The following PACSIN1 variants were observed in gnomAD, a reference collection of about 807,000 sequenced individuals.
The protein encoded by PACSIN1 is protein kinase C and casein kinase substrate in neurons protein 1.
In PACSIN1, 15 loss-of-function variants were observed where a neutral mutation model predicts 59.5. The ratio of observed to expected loss-of-function variants is 0.25; its 90% CI spans 0.17 to 0.39. The LOEUF (loss-of-function observed/expected upper bound fraction) is 0.39, where lower values mean the gene tolerates loss of function less well. Among genes scored for constraint, PACSIN1 ranks in the 10% least tolerant of loss-of-function variants. The pLI is 1.00. For synonymous variants in PACSIN1, 210 were observed against 220.6 expected, an observed-to-expected ratio of 0.95 and a Z score of 0.42; for missense variants, 420 against 580.2, an observed-to-expected ratio of 0.72 and a Z score of 2.84.
chr6:34,475,951 C>T (rs1766633520), intron 1 of PACSIN1, among the ~76,000 whole-genome samples: 1 of 152,308 alleles, frequency 6.6e-6, no homozygotes, highest in East Asian at 1.9e-4. Flanking sequence ...CTCTGATTAG[C>T]GGACAAATCG....
intron 1 of PACSIN1, among the ~76,000 whole-genome samples, chr6:34,520,245 C>G (rs1462572559): frequency 6.6e-6 from 1 of 152,184 alleles, no homozygotes; most frequent in African/African-American, 2.4e-5. Flanking sequence ...TGTGTGGCCC[C>G]AAGCCAGGCG....
In PACSIN1 at chr6:34,531,583, C is replaced by A. The variant is rs776467912; in HGVS notation, c.1038-17C>A. 1 of 1,612,616 alleles carries A rather than the reference C, an allele frequency of 6.2e-7. No homozygotes were observed. Among genetic ancestry groups the A allele is most frequent in the Admixed American group, 1.7e-5 (1 of 59,816 alleles). ...TACGGGGAGACATTGAAGCTGGCTCCTTCCTCCGCGTCTCAGTGTTAGCAG... is the reference window on the plus strand; with the variant it reads ...TACGGGGAGACATTGAAGCTGGCTCATTCCTCCGCGTCTCAGTGTTAGCAG... On this transcript the variant is annotated splice_polypyrimidine_tract_variant and intron_variant, in intron 8 of 9. Transcript: ENST00000244458. This position sits in a 1 kb window ranked among gnomAD's most constrained non-coding sequence, Gnocchi z 4.4.
At chr6:34,504,416 G>A (rs1425143287) in intron 1 of PACSIN1, among the ~76,000 whole-genome samples, 7 of 151,534 alleles carry the variant, frequency 4.6e-5, no homozygotes, top group African/African-American at 1.5e-4. Flanking sequence ...TCAGACTCCC[G>A]AGTAGCTAGG....
chr6:34,508,567 T>C (rs1767151544), intron 1 of PACSIN1, among the ~76,000 whole-genome samples: 1 of 152,212 alleles, frequency 6.6e-6, no homozygotes, highest in Non-Finnish European at 1.5e-5. Flanking sequence ...GTGCCCAGCC[T>C]ATTTTTAATT....
Position 34,531,777 on chromosome 6 carries a change from C to G in PACSIN1, c.1215C>G (p.Ser405Arg). The G allele has an allele frequency of 6.4e-7, 1 of 1,566,814 alleles. No homozygotes were observed. Among genetic ancestry groups the G allele is most frequent in the South Asian group, 1.2e-5 (1 of 84,284 alleles). ...ACGGCCAGGAGCAGGACGAGCTCAGCTTTAAGGCCGGTAGGACGGCTGGGC... is the reference window on the plus strand; with the variant it reads ...ACGGCCAGGAGCAGGACGAGCTCAGGTTTAAGGCCGGTAGGACGGCTGGGC... Reference protein sequence around the residue: ...DYDGQEQDELSFKAGDELTKL... With the variant: ...DYDGQEQDELRFKAGDELTKL... The change falls in exon 9 of 10, where the codon AGC becomes AGG. Residue 405 changes from serine (S) to arginine (R), a missense_variant. By Grantham distance (110) the Ser-to-Arg change is moderately radical (BLOSUM62 -1). Coordinates refer to ENST00000244458, the MANE Select transcript of PACSIN1 (RefSeq NM_020804.5). This position sits in a 1 kb window ranked among gnomAD's most constrained non-coding sequence, Gnocchi z 4.4.
At chr6:34,475,159 A>C (rs1766620983) in intron 1 of PACSIN1, among the ~76,000 whole-genome samples, 1 of 151,966 alleles carries the variant, frequency 6.6e-6, no homozygotes, top group African/African-American at 2.4e-5. Flanking sequence ...TGTCCCCCTT[A>C]CCTGCCCAAG....
intron 1 of PACSIN1, among the ~76,000 whole-genome samples, chr6:34,466,915 T>C (rs890489434): frequency 6.6e-6 from 1 of 152,118 alleles, no homozygotes; most frequent in Non-Finnish European, 1.5e-5. Context: ...ATTTTCACCT[T>C]ACAAGAGGCT....
At chr6:34,503,266 CAA>C (rs200906223) in intron 1 of PACSIN1, among the ~76,000 whole-genome samples, 5 of 68,580 alleles carry the variant, frequency 7.3e-5, no homozygotes, top group Non-Finnish European at 6.7e-5. Flanking sequence ...GAGATCCTGT[CAA>C]AAAAAAAAAA....
chr6:34,467,355 C>A (rs7773446), intron 1 of PACSIN1, among the ~76,000 whole-genome samples: 85,975 of 152,038 alleles, frequency 0.57, 25,182 homozygotes, highest in African/African-American at 0.72. Flanking sequence ...CTGTCATTGC[C>A]CCTGCACCAA....
chr6:34,489,805 T>G (rs990141920), intron 1 of PACSIN1, among the ~76,000 whole-genome samples: 5 of 152,226 alleles, frequency 3.3e-5, no homozygotes, highest in African/African-American at 1.2e-4. Flanking sequence ...TGTCTGACAG[T>G]CTTTGAAATG....
chr6:34,523,863 T>C (rs556311270), intron 1 of PACSIN1, among the ~76,000 whole-genome samples: 2 of 152,326 alleles, frequency 1.3e-5, no homozygotes, highest in South Asian at 2.1e-4. Flanking sequence ...CTGGCTCTTC[T>C]TCCTGAGCCC....
In PACSIN1 at chr6:34,531,895, T is replaced by C; in HGVS notation, c.1225+108T>C. 9.2e-7 allele frequency: 1 copy of C among 1,086,692 alleles called. No homozygotes were observed. Among genetic ancestry groups the C allele is most frequent in the Non-Finnish European group, 1.3e-6 (1 of 762,272 alleles). The allele number at this position is 1,086,692 out of a possible 1,614,324, so 67.3% of individuals were successfully genotyped here. On this transcript the variant is annotated intron_variant, in intron 9 of 9. Transcript: ENST00000244458. The surrounding 1 kb of genome is among the most constrained non-coding windows in gnomAD (Gnocchi z 4.4). Reference sequence around the variant, plus strand: ...GAGAAGCTTGGGTCTGGATTGGGTGTGTGGTGGTGCAGGGGCGGTGCCTGA... The same window carrying C: ...GAGAAGCTTGGGTCTGGATTGGGTGCGTGGTGGTGCAGGGGCGGTGCCTGA...
At chr6:34,470,421 C>T (rs184095796) in intron 1 of PACSIN1, among the ~76,000 whole-genome samples, 2,108 of 152,122 alleles carry the variant, frequency 0.014, 23 homozygotes, top group African/African-American at 0.031. Context: ...CCTCGTGATC[C>T]ACCCGCCTCG....
At chr6:34,478,163 G>A (rs1425303468) in intron 1 of PACSIN1, among the ~76,000 whole-genome samples, 2 of 150,916 alleles carry the variant, frequency 1.3e-5, no homozygotes, top group Non-Finnish European at 2.9e-5. Context: ...GGGTTCCAGC[G>A]ATTCTCCTGC....
At chr6:34,492,031 T>C (rs1018936349) in intron 1 of PACSIN1, among the ~76,000 whole-genome samples, 1 of 152,166 alleles carries the variant, frequency 6.6e-6, no homozygotes, top group Non-Finnish European at 1.5e-5. Context: ...TCCGGGTATA[T>C]ACCCCAGTAA....
At chr6:34,482,835 C>T (rs1411295200) in intron 1 of PACSIN1, among the ~76,000 whole-genome samples, 1 of 150,636 alleles carries the variant, frequency 6.6e-6, no homozygotes, top group African/African-American at 2.4e-5. Flanking sequence ...AGGCGCCTGC[C>T]GCCACACCCA....
chr6:34,505,179 G>T (rs1424844376), intron 1 of PACSIN1, among the ~76,000 whole-genome samples: 1 of 151,762 alleles, frequency 6.6e-6, no homozygotes. Flanking sequence ...ATTTTTTTTT[G>T]TAGAGATAGG....
chr6:34,471,987 T>G lies in PACSIN1; in HGVS notation c.-64+5717T>G, dbSNP rs202008104. Reference sequence around the variant, plus strand: ...AAGATGGGGCGGAGCTTATTACCAGTGTGGAAAGATGGTCATCACGTACTG... The same window carrying G: ...AAGATGGGGCGGAGCTTATTACCAGGGTGGAAAGATGGTCATCACGTACTG... On this transcript the variant is annotated intron_variant, in intron 1 of 9. Coordinates refer to ENST00000244458, the MANE Select transcript of PACSIN1 (RefSeq NM_020804.5). 3.3e-5 allele frequency among the ~76,000 whole-genome samples: 5 copies of G among 152,076 alleles called. No individual in the cohort carries two copies. The East Asian group carries it at 9.6e-4, about 29-fold the overall frequency.
chr6:34,512,243 G>A (rs911821452), intron 1 of PACSIN1, among the ~76,000 whole-genome samples: 2 of 151,768 alleles, frequency 1.3e-5, no homozygotes, highest in African/African-American at 4.8e-5. Flanking sequence ...GAAGGAGGGG[G>A]AGACAGAAGG....
Sources: gnomAD v4.1 joint callset for allele counts (sites outside exome capture counted in the v4.1 genomes callset) on GRCh38, gnomAD v4.1.1 for gene constraint, Gnocchi (gnomAD v3.1) non-coding constraint, MANE v1.5 for transcripts, NCBI Gene and HGNC (gene_info 2026-07-23, HGNC 2026-07-21) for gene names.